The following XKR4 variants were observed in gnomAD, a reference collection of about 807,000 sequenced individuals.
XKR4 encodes XK related 4.
XKR4 carries 12 observed loss-of-function variants against 53.9 expected under a neutral mutation model. That is an observed-to-expected ratio of 0.22 (90% CI 0.14 to 0.36). XKR4 has a LOEUF of 0.36. Among genes scored for constraint, XKR4 ranks in the 10% least tolerant of loss-of-function variants. The pLI is 1.00. For missense variants in XKR4, 799 were observed against 859.5 expected (o/e 0.93, Z 0.88); for synonymous variants, 354 against 362.4 (o/e 0.98, Z 0.26).
At chr8:55,255,965 A>T (rs1396473039) in intron 1 of XKR4, among the ~76,000 whole-genome samples, 1 of 151,172 alleles carries the variant, frequency 6.6e-6, no homozygotes, top group Non-Finnish European at 1.5e-5. Context: ...ACAGAGGGAG[A>T]TTTGTGCAAT....
chr8:55,510,928 C>A (rs944516841), intron 2 of XKR4, among the ~76,000 whole-genome samples: 1 of 152,154 alleles, frequency 6.6e-6, no homozygotes, highest in Non-Finnish European at 1.5e-5. Context: ...GGTCCTCACA[C>A]GGTGGGCTTT....
At chr8:55,421,883 A>G (rs762157686) in intron 2 of XKR4, among the ~76,000 whole-genome samples, 10 of 152,246 alleles carry the variant, frequency 6.6e-5, no homozygotes, top group Non-Finnish European at 1.3e-4. Flanking sequence ...AGGGCTCAGA[A>G]CAAAACGTCC....
chr8:55,355,398 C>A (rs1803783268), intron 1 of XKR4, among the ~76,000 whole-genome samples: 1 of 152,006 alleles, frequency 6.6e-6, no homozygotes, highest in Non-Finnish European at 1.5e-5. Flanking sequence ...CATATATAAT[C>A]AAGAGGAGGC....
chr8:55,513,923 G>A (rs1806670413), intron 2 of XKR4, among the ~76,000 whole-genome samples: 1 of 152,142 alleles, frequency 6.6e-6, no homozygotes, highest in Admixed American at 6.5e-5. Context: ...ATGAGTGAGG[G>A]GCCAGGAAAC....
At chr8:55,324,920 T>A (rs1359433834) in intron 1 of XKR4, among the ~76,000 whole-genome samples, 1 of 152,210 alleles carries the variant, frequency 6.6e-6, no homozygotes, top group Non-Finnish European at 1.5e-5. Flanking sequence ...CCTATACAAA[T>A]ATTTTACCAC....
chr8:55,400,420 G>A (rs557034638), intron 2 of XKR4, among the ~76,000 whole-genome samples: 4 of 152,316 alleles, frequency 2.6e-5, no homozygotes, highest in East Asian at 1.9e-4. Flanking sequence ...TGTCTGAGGT[G>A]GATCCTCCGA....
intron 2 of XKR4, among the ~76,000 whole-genome samples, chr8:55,366,194 C>G (rs10088411): frequency 6.6e-6 from 1 of 152,192 alleles, no homozygotes; most frequent in African/African-American, 2.4e-5. Context: ...CACCTATTGG[C>G]AGAACCCACC....
chr8:55,347,248 G>A (rs997549405), intron 1 of XKR4, among the ~76,000 whole-genome samples: 1 of 152,172 alleles, frequency 6.6e-6, no homozygotes, highest in Non-Finnish European at 1.5e-5. Context: ...TGAGTCCATG[G>A]TGCTGTTTAG....
intron 1 of XKR4, among the ~76,000 whole-genome samples, chr8:55,238,405 G>A (rs1445720966): frequency 2.6e-5 from 4 of 152,178 alleles, no homozygotes; most frequent in African/African-American, 7.2e-5. Flanking sequence ...TGAGGAGGAG[G>A]AGGAAAAGGA....
intron 1 of XKR4, among the ~76,000 whole-genome samples, chr8:55,122,112 A>G (rs919266428): frequency 6.6e-6 from 1 of 152,238 alleles, no homozygotes; most frequent in East Asian, 1.9e-4. Flanking sequence ...GCAGATAATG[A>G]ATTAAAAATT....
At chr8:55,450,768 G>A (rs943597221) in intron 2 of XKR4, 3 of 550,376 alleles carry the variant, frequency 5.5e-6, no homozygotes, top group East Asian at 4.2e-5. Context: ...CCAGCGTTCA[G>A]TAGAAGGGGT....
At position 55,523,376 on chromosome 8, in the gene XKR4, A is replaced by G; in HGVS notation, c.1102A>G (p.Ser368Gly). Residue 368 changes from serine (S) to glycine (G), a missense_variant, in exon 3 of 3, where the codon AGC (serine) becomes GGC (glycine). By Grantham distance (56) the Ser-to-Gly change is moderately conservative. Coordinates refer to ENST00000327381, the MANE Select transcript of XKR4 (RefSeq NM_052898.2). The part of the protein sequence containing the change: ...RDSRDDKKPI[S>G]YMAVIIQFCW... ...CTCTCGAGATGACAAGAAGCCCATC[A>G]GCTACATGGCCGTCATCATCCAGTT... 6.2e-7 allele frequency: 1 copy of G among 1,614,206 alleles called. No homozygotes were observed. Among genetic ancestry groups the G allele is most frequent in the Non-Finnish European group, 8.5e-7 (1 of 1,180,040 alleles).
At chr8:55,425,399 A>ATGCACT (rs112526518) in intron 2 of XKR4, among the ~76,000 whole-genome samples, 15 of 150,992 alleles carry the variant, frequency 9.9e-5, no homozygotes, top group African/African-American at 3.2e-4. Context: ...GTTTCATTCA[A>ATGCACT]CGCACTCTCG....
intron 1 of XKR4, among the ~76,000 whole-genome samples, chr8:55,145,060 G>A (rs1178955253): frequency 1.3e-5 from 2 of 152,028 alleles, no homozygotes; most frequent in Middle Eastern, 3.4e-3. Flanking sequence ...TCAAACCCCC[G>A]GCCTCCAGGG....
intron 1 of XKR4, among the ~76,000 whole-genome samples, chr8:55,228,614 T>C (rs1394631060): frequency 6.6e-6 from 1 of 152,200 alleles, no homozygotes; most frequent in Non-Finnish European, 1.5e-5. Context: ...CTATTTGCAA[T>C]TTAATTGAAG....
At chr8:55,420,311 A>T (rs1804905972) in intron 2 of XKR4, among the ~76,000 whole-genome samples, 2 of 152,202 alleles carry the variant, frequency 1.3e-5, no homozygotes, top group Admixed American at 1.3e-4. Flanking sequence ...ACTATAAATC[A>T]TGCTGCTATA....
intron 2 of XKR4, among the ~76,000 whole-genome samples, chr8:55,366,494 C>T (rs1466794973): frequency 6.6e-6 from 1 of 152,208 alleles, no homozygotes; most frequent in Admixed American, 6.5e-5. Flanking sequence ...AAATGCGTGA[C>T]CACAGACCTC....
intron 1 of XKR4, among the ~76,000 whole-genome samples, chr8:55,106,392 G>T (rs752569469): frequency 1.3e-5 from 2 of 152,178 alleles, no homozygotes; most frequent in African/African-American, 4.8e-5. Context: ...TTTTAAAGTC[G>T]CAGGAGGTGA....
chr8:55,238,223 C>T (rs1296164015), intron 1 of XKR4, among the ~76,000 whole-genome samples: 1 of 152,148 alleles, frequency 6.6e-6, no homozygotes, highest in Non-Finnish European at 1.5e-5. Flanking sequence ...CGCCAAGAGG[C>T]CAATGATACC....
Sources: allele counts gnomAD v4.1 joint callset (sites outside exome capture counted in the v4.1 genomes callset), GRCh38; gene constraint gnomAD v4.1.1; transcripts MANE v1.5; gene names NCBI Gene and HGNC (gene_info 2026-07-23, HGNC 2026-07-21).